SH3TC1: variants seen among roughly 807,000 people sequenced by gnomAD.
SH3TC1 encodes the protein SH3 domain and tetratricopeptide repeats 1.
A neutral mutation model predicts 117.3 loss-of-function variants in SH3TC1; 135 were observed. The ratio of observed to expected loss-of-function variants is 1.15; its 90% confidence interval spans 1.00 to 1.33. The LOEUF (loss-of-function observed/expected upper bound fraction) is 1.33, where lower values mean the gene tolerates loss of function less well. Among genes scored for constraint, SH3TC1 ranks in the 40% most tolerant of loss-of-function variants. SH3TC1 has a pLI of 0.00. For missense variants in SH3TC1, 2,092 were observed against 1,794.3 expected (o/e 1.17, Z -3.00); for synonymous variants, 898 against 816.9 (o/e 1.10, Z -1.69).
chr4:8,218,458 A>G (rs1015520373), intron 8 of SH3TC1, 111 bp downstream of exon 8: 1 of 703,312 alleles, frequency 1.4e-6, no homozygotes, highest in Non-Finnish European at 2.3e-6. Flanking sequence ...GATAGCTATC[A>G]GGTAGTGCAA....
intron 9 of SH3TC1, among the ~76,000 whole-genome samples, chr4:8,222,639 G>A (rs1227681741): frequency 6.6e-6 from 1 of 151,462 alleles, no homozygotes; most frequent in Non-Finnish European, 1.5e-5. Flanking sequence ...CTCCCAAAGT[G>A]CTGAGATTAC....
Position 8,225,188 on chromosome 4 carries a change from A to T in SH3TC1, c.1257A>T (p.Glu419Asp). 5 of 1,613,844 alleles carry T rather than the reference A, an allele frequency of 3.1e-6. No homozygotes were observed. Among genetic ancestry groups the T allele is most frequent in the Non-Finnish European group, 4.2e-6 (5 of 1,179,960 alleles). ...CTCCCTTGCCAGACTCAGTAGAGGA[A>T]GCTGAGACCGAGCAGCCGCAGGAAA... The part of the protein sequence containing the change: ...CSVYSLDSVE[E>D]AETEQPQEKE... The change falls in exon 11 of 18, where the codon GAA becomes GAT. Residue 419 changes from glutamate to aspartate, a missense_variant. Glu to Asp is a conservative substitution (Grantham distance 45). Transcript: ENST00000245105. This position sits in a 1 kb window ranked among gnomAD's most constrained non-coding sequence, Gnocchi z 5.5.
intron 14 of SH3TC1, among the ~76,000 whole-genome samples, chr4:8,233,950 CAAT>C (rs1192291260): frequency 3.5e-4 from 52 of 147,516 alleles, no homozygotes; most frequent in Non-Finnish European, 6.6e-4. Flanking sequence ...AATCACCCAT[CAAT>C]CCATCCATTC....
At chr4:8,229,270 T>A (rs1279604011) in intron 12 of SH3TC1, 1 of 151,638 alleles carries the variant, frequency 6.6e-6, no homozygotes, top group African/African-American at 2.4e-5. Flanking sequence ...AGTGGTGTGA[T>A]GGCGGGGCAG....
At position 8,240,793 on chromosome 4, in the gene SH3TC1, G is replaced by A. The variant is rs2153000341; in HGVS notation, c.3849G>A (p.Leu1283=). Residue 1283 remains leucine (L), a synonymous_variant, in exon 18 of 18, where the codon CTG becomes CTA. Transcript: ENST00000245105. ...KKAQLKIYTR[L]ATIYHNFLLD... Reference sequence around the variant, plus strand: ...CACAGCTGAAGATCTACACGCGGCTGGCCACCATCTACCACAACTTCCTCC... The same window carrying A: ...CACAGCTGAAGATCTACACGCGGCTAGCCACCATCTACCACAACTTCCTCC... 2 of 1,614,126 alleles carry A rather than the reference G, an allele frequency of 1.2e-6. No individual in the cohort carries two copies. The highest frequency in any genetic ancestry group is 2.2e-5 in the East Asian group (1 of 44,884).
chr4:8,233,513 G>A lies in SH3TC1; in HGVS notation c.3282G>A (p.Gln1094=), dbSNP rs777256592. ...GCGAGCTGGTGGACCTCTACATCCA[G>A]GTGAGTGATGAGGGATGCAGGAGGG... ...RQSELVDLYI[Q]VAQNVALYTG... The change falls in exon 14 of 18, where the codon CAG becomes CAA. Residue 1094 remains glutamine, a splice_region_variant and synonymous_variant. Coordinates refer to ENST00000245105, the MANE Select transcript of SH3TC1 (RefSeq NM_018986.5). The A allele has an allele frequency of 1.2e-6, 2 of 1,606,914 alleles. No individual in the cohort carries two copies. The highest frequency in any genetic ancestry group is 1.3e-5 in the African/African-American group (1 of 74,874).
intron 1 of SH3TC1, among the ~76,000 whole-genome samples, chr4:8,182,415 G>C (rs546653232): frequency 6.6e-6 from 1 of 152,310 alleles, no homozygotes; most frequent in East Asian, 1.9e-4. Context: ...TCAGGCGAAG[G>C]GCCAGCCTGG....
Position 8,192,799 on chromosome 4 carries a change from C to T in SH3TC1, c.-57+10589C>T, listed in dbSNP as rs999678115. On this transcript the variant is annotated intron_variant, in intron 1 of 16. Coordinates refer to the SH3TC1 transcript ENST00000508641. The surrounding 1 kb of genome is among the most constrained non-coding windows in gnomAD (Gnocchi z 4.1). Reference sequence around the variant, plus strand: ...GAGCCACGGTGCCCGGCCCACTTGTCTTTATTTGTTGCCTTCTCTTCTGCT... The same window carrying T: ...GAGCCACGGTGCCCGGCCCACTTGTTTTTATTTGTTGCCTTCTCTTCTGCT... 1.3e-5 allele frequency among the ~76,000 whole-genome samples: 2 copies of T among 152,164 alleles called. No homozygotes were observed. The highest frequency in any genetic ancestry group is 4.8e-5 in the African/African-American group (2 of 41,436).
chr4:8,228,025 C>T lies in SH3TC1; in HGVS notation c.2331C>T (p.Thr777=), dbSNP rs1346939465. 6.2e-7 allele frequency: 1 copy of T among 1,610,582 alleles called. No individual in the cohort carries two copies. The highest frequency in any genetic ancestry group is 1.1e-5 in the South Asian group (1 of 90,856). The change falls in exon 12 of 18, where the codon ACC becomes ACT. Residue 777 remains threonine (T), a synonymous_variant. Transcript: ENST00000245105. ...TCAGGCAAGCGCTGGCCTCCCTGAC[C>T]CCGGGCACAGGCCAGGCGCTGCGCG... ...HYLRQALASL[T]PGTGQALRGP...
intron 1 of SH3TC1, among the ~76,000 whole-genome samples, chr4:8,185,299 A>G (rs1717188374): frequency 6.6e-6 from 1 of 151,978 alleles, no homozygotes; most frequent in Non-Finnish European, 1.5e-5. Flanking sequence ...TTGAGCAGTT[A>G]CACTACAGCC....
At chr4:8,207,260 A>G (rs1240757876) in intron 2 of SH3TC1, among the ~76,000 whole-genome samples, 2 of 152,230 alleles carry the variant, frequency 1.3e-5, no homozygotes, top group Non-Finnish European at 2.9e-5. Context: ...GGATTTGGGC[A>G]GGAATCCCGC....
chr4:8,191,614 C>T (rs1717417830), intron 1 of SH3TC1, among the ~76,000 whole-genome samples: 1 of 152,082 alleles, frequency 6.6e-6, no homozygotes. Context: ...ACCATTCCAG[C>T]ACCAGCTGGT....
chr4:8,194,964 G>A (rs1406608984), upstream of SH3TC1, among the ~76,000 whole-genome samples: 1 of 152,182 alleles, frequency 6.6e-6, no homozygotes, highest in Non-Finnish European at 1.5e-5. Flanking sequence ...GTTTGGTGCT[G>A]GAAGGACTGG....
Position 8,209,399 on chromosome 4 carries a change from G to T in SH3TC1, c.173-349G>T, listed in dbSNP as rs1011807826. Among the ~76,000 whole-genome samples, 3 of 152,214 alleles carry T rather than the reference G, an allele frequency of 2.0e-5. No homozygotes were observed. Among genetic ancestry groups the T allele is most frequent in the Non-Finnish European group, 4.4e-5 (3 of 68,044 alleles). ...GAGGGACGTGTGCGGCCTCTTGAAG[G>T]CGAGGAGTGGATTCTCCCCAGAGCC... On this transcript the variant is annotated intron_variant, in intron 2 of 17. Coordinates refer to ENST00000245105, the MANE Select transcript of SH3TC1 (RefSeq NM_018986.5). The surrounding 1 kb of genome is among the most constrained non-coding windows in gnomAD (Gnocchi z 5.9).
At chr4:8,232,988 A>G in intron 13 of SH3TC1, 1 of 1,196,222 alleles carries the variant, frequency 8.4e-7, no homozygotes, top group Non-Finnish European at 1.1e-6. Context: ...CTATATGGAC[A>G]GGCCTCTGGA....
At chr4:8,236,681 G>A (rs1459532053) in intron 16 of SH3TC1, 6 of 424,616 alleles carry the variant, frequency 1.4e-5, no homozygotes, top group Non-Finnish European at 2.5e-5. Flanking sequence ...GGGCTGCCCA[G>A]TGTGCCCTCT....
rs199506568 is a variant in SH3TC1 at position 8,228,587 on chromosome 4, G to A, written c.2893G>A (p.Gly965Ser). 9.5e-6 allele frequency: 15 copies of A among 1,581,912 alleles called. No homozygotes were observed. The African/African-American group carries it at 1.6e-4, about 17-fold the overall frequency. ...LCTRQGPAQQ[G>S]KGYYEWALLV... ...CACCCGCCAGGGCCCGGCCCAGCAG[G>A]GCAAGGGCTACTACGAGTGGGCCCT... is the stretch of plus-strand genomic sequence containing the variant. Residue 965 changes from glycine (G) to serine (S), a missense_variant, in exon 12 of 18, where the codon GGC becomes AGC. Physicochemically the swap from Gly to Ser is moderately conservative, Grantham distance 56. Coordinates refer to ENST00000245105, the MANE Select transcript of SH3TC1 (RefSeq NM_018986.5).
chr4:8,235,744 T>C (rs1240243584), intron 15 of SH3TC1, 189 bp downstream of exon 15: 5 of 735,126 alleles, frequency 6.8e-6, no homozygotes, highest in Non-Finnish European at 1.0e-5. Context: ...ACTTGGGGCC[T>C]GGACACAGCA....
At position 8,210,434 on chromosome 4, in the gene SH3TC1, C is replaced by A. The variant is rs1259161682; in HGVS notation, c.247+612C>A. ...GTGGTCAGCACTGCTGGTGGCCACT[C>A]GGGATGACCAGGACGCATTAGGCAA... On this transcript the variant is annotated intron_variant, in intron 3 of 17. Transcript: ENST00000245105. The surrounding 1 kb of genome is among the most constrained non-coding windows in gnomAD (Gnocchi z 4.1). 3.9e-5 allele frequency among the ~76,000 whole-genome samples: 6 copies of A among 152,210 alleles called. No individual in the cohort carries two copies. The highest frequency in any genetic ancestry group is 8.8e-5 in the Non-Finnish European group (6 of 68,034).
Sources: gnomAD v4.1 joint callset for allele counts (sites outside exome capture counted in the v4.1 genomes callset) on GRCh38, gnomAD v4.1.1 for gene constraint, Gnocchi (gnomAD v3.1) non-coding constraint, MANE v1.5 for transcripts, NCBI Gene and HGNC (gene_info 2026-07-23, HGNC 2026-07-21) for gene names.